Variants in CKAP2 observed in about 807,000 individuals in gnomAD.
CKAP2 encodes cytoskeleton associated protein 2, also known as cytoskeleton-associated protein 2.
In CKAP2, 46 loss-of-function variants were observed where a neutral mutation model predicts 58.4. That is an observed-to-expected ratio of 0.79 (90% CI 0.62 to 1.01). The LOEUF (loss-of-function observed/expected upper bound fraction) is 1.01, where lower values mean the gene tolerates loss of function less well. CKAP2 is among the 50% of genes least tolerant of loss of function. CKAP2 has a pLI of 0.00. For missense variants in CKAP2, 809 were observed against 796.4 expected (o/e 1.02, Z -0.19); for synonymous variants, 293 against 280.9 (o/e 1.04, Z -0.43).
intron 8 of CKAP2, 84 bp from the exon 9 acceptor site, chr13:52,474,811 T>C: frequency 7.6e-7 from 1 of 1,311,226 alleles, no homozygotes; most frequent in South Asian, 1.4e-5. Context: ...ACATACAAGC[T>C]ATATAGTATG....
intron 7 of CKAP2, chr13:52,473,533 C>G (rs1958787075): frequency 4.0e-6 from 1 of 250,460 alleles, no homozygotes. Context: ...CAGCCTAAAT[C>G]TCGCTTGTGA....
chr13:52,457,027 G>C (rs1036100624), intron 2 of CKAP2, among the ~76,000 whole-genome samples: 2 of 151,916 alleles, frequency 1.3e-5, no homozygotes, highest in African/African-American at 4.8e-5. Flanking sequence ...CAAATACCTG[G>C]GACTGACTAC....
rs1958822595 is a variant in CKAP2, at chr13:52,475,911, C to CAATTAGA, written c.*772_*778dup. 6.6e-6 allele frequency: 1 copy of CAATTAGA among 152,152 alleles called. No homozygotes were observed. Among genetic ancestry groups the CAATTAGA allele is most frequent in the Admixed American group, 6.5e-5 (1 of 15,268 alleles). The allele number at this position is 152,152 out of a possible 1,614,324, so 9.4% of individuals were successfully genotyped here. On this transcript the variant is annotated 3_prime_UTR_variant, in exon 9 of 9. Transcript: ENST00000258607. ...GTAACTTCACTTGATAGTTTTTAAG[C>CAATTAGA]AATTAGAATGGAGTTAGGGAAAGAA...
At chr13:52,456,063 T>G (rs1566095985) in intron 1 of CKAP2, 2 of 1,024,528 alleles carry the variant, frequency 2.0e-6, no homozygotes. Context: ...TTTCACAGCT[T>G]CTCCTTCGAC....
At chr13:52,468,387 GT>G (rs369389198) in intron 7 of CKAP2, 40 bp downstream of exon 7, 210 of 1,181,330 alleles carry the variant, frequency 1.8e-4, no homozygotes, top group Admixed American at 2.2e-4. Context: ...GTGAACTGTA[GT>G]TTTTTTTTGT....
intron 1 of CKAP2, 73 bp downstream of exon 1, chr13:52,455,699 C>T (rs1958466255): frequency 5.8e-6 from 8 of 1,380,868 alleles, no homozygotes; most frequent in Non-Finnish European, 7.5e-6. Context: ...GGTCGGGGCT[C>T]GGGGCCGCGC....
At chr13:52,467,999 A>G (rs2137861616) in intron 6 of CKAP2, among the ~76,000 whole-genome samples, 1 of 151,880 alleles carries the variant, frequency 6.6e-6, no homozygotes, top group South Asian at 2.1e-4. Flanking sequence ...TTTAGTAGAG[A>G]CGGGGTTTCA....
At chr13:52,465,663 C>A (rs1005978143) in intron 6 of CKAP2, 198 bp downstream of exon 6, 1 of 649,694 alleles carries the variant, frequency 1.5e-6, no homozygotes. Context: ...TGGGAATAAT[C>A]AGATTTTAGA....
At chr13:52,469,449 C>A (rs952340034) in intron 7 of CKAP2, among the ~76,000 whole-genome samples, 1 of 152,120 alleles carries the variant, frequency 6.6e-6, no homozygotes, top group African/African-American at 2.4e-5. Flanking sequence ...ATAAGAGATT[C>A]ATTAGTTGCC....
At position 52,455,522 on chromosome 13, in the gene CKAP2, T is replaced by C. The variant is rs953918002; in HGVS notation, c.-35T>C. Reference sequence around the variant, plus strand: ...GTCTGAGGAAGTTCTATCTTGGCGCTAAAGCGGAGACGCATCCCCCGACCC... The same window carrying C: ...GTCTGAGGAAGTTCTATCTTGGCGCCAAAGCGGAGACGCATCCCCCGACCC... On this transcript the variant is annotated 5_prime_UTR_variant, in exon 1 of 9. Transcript: ENST00000258607. The C allele has an allele frequency of 6.2e-7, 1 of 1,612,112 alleles. No individual in the cohort carries two copies. Among genetic ancestry groups the C allele is most frequent in the Non-Finnish European group, 8.5e-7 (1 of 1,179,332 alleles).
rs770568360 is a variant in CKAP2, at chr13:52,461,301, A to G, written c.475A>G (p.Thr159Ala). The change falls in exon 4 of 9, where the codon ACT (threonine) becomes GCT (alanine). Residue 159 changes from threonine to alanine, a missense_variant. Physicochemically the swap from Thr to Ala is moderately conservative, Grantham distance 58. Transcript: ENST00000258607. ...LKNNSKKKQM[T>A]TEKQKQDANM... Reference sequence around the variant, plus strand: ...AAACAATAGTAAAAAGAAACAAATGACTACAGAAAAACAAAAGCAAGATGC... The same window carrying G: ...AAACAATAGTAAAAAGAAACAAATGGCTACAGAAAAACAAAAGCAAGATGC... 6.2e-7 allele frequency: 1 copy of G among 1,614,046 alleles called. No individual in the cohort carries two copies. The highest frequency in any genetic ancestry group is 1.7e-5 in the Admixed American group (1 of 59,996).
chr13:52,460,988 A>G lies in CKAP2; in HGVS notation c.231+14A>G. On this transcript the variant is annotated intron_variant, in intron 3 of 8. Coordinates refer to ENST00000258607, the MANE Select transcript of CKAP2 (RefSeq NM_018204.5). ...AAAACAAAAATGGTAAGATGTGGAC[A>G]TAGCACTCTTAAACTGTCCCCTTTT... 3 of 1,612,526 alleles carry G rather than the reference A, an allele frequency of 1.9e-6. No individual in the cohort carries two copies. Among genetic ancestry groups the G allele is most frequent in the Non-Finnish European group, 2.5e-6 (3 of 1,179,578 alleles).
chr13:52,462,645 TC>T (rs1958604609), intron 5 of CKAP2, 78 bp downstream of exon 5: 1 of 1,171,892 alleles, frequency 8.5e-7, no homozygotes, highest in Non-Finnish European at 1.2e-6. Context: ...AATTATATTG[TC>T]AGTCTTTTTG....
At position 52,475,119 on chromosome 13, in the gene CKAP2, A is replaced by G; in HGVS notation, c.2027A>G (p.Tyr676Cys). ...CCTAATGCAGCACTGTGCCGGGTGT[A>G]CTATGAGGCTGATACAACATAAGAG... ...CRPNAALCRV[Y>C]YEADTT The change falls in exon 9 of 9, where the codon TAC becomes TGC. Residue 676 changes from tyrosine to cysteine, a missense_variant. Around this residue, in one of 3 missense-constraint regions of CKAP2, gnomAD observed 283 missense variants for 287.6 expected, o/e 0.98. Transcript: ENST00000258607. 1 of 1,614,126 alleles carries G rather than the reference A, an allele frequency of 6.2e-7. No homozygotes were observed. The highest frequency in any genetic ancestry group is 2.2e-5 in the East Asian group (1 of 44,886).
chr13:52,462,300 C>G, intron 4 of CKAP2, 63 bp from the exon 5 acceptor site: 3 of 1,427,580 alleles, frequency 2.1e-6, no homozygotes, highest in Non-Finnish European at 2.9e-6. Flanking sequence ...TTTCTTTTAA[C>G]TTTATTTGAC....
intron 8 of CKAP2, 148 bp from the exon 9 acceptor site, chr13:52,474,747 G>C (rs1958804803): frequency 1.4e-6 from 1 of 702,716 alleles, no homozygotes; most frequent in Non-Finnish European, 2.3e-6. Context: ...TTCTCACTTC[G>C]GTGAGCTTAT....
At position 52,465,458 on chromosome 13, in the gene CKAP2, G is replaced by A; in HGVS notation, c.1469G>A (p.Gly490Glu). The A allele has an allele frequency of 1.2e-6, 2 of 1,612,748 alleles. No individual in the cohort carries two copies. The highest frequency in any genetic ancestry group is 2.7e-5 in the African/African-American group (2 of 74,986). ...IAIYEKAILAGAQPIEEMRHT... is the reference protein window; with the variant it reads ...IAIYEKAILAEAQPIEEMRHT... The stretch of plus-strand genomic sequence containing the variant: ...ATCTATGAGAAAGCCATTCTGGCAG[G>A]GGCTCAGGTAAGATAAAAATTTACT... The change falls in exon 6 of 9, where the codon GGG (glycine) becomes GAG (glutamate). Residue 490 changes from glycine (G) to glutamate (E), a missense_variant. By Grantham distance (98) the Gly-to-Glu change is moderately conservative (BLOSUM62 -2). Transcript: ENST00000258607.
At chr13:52,456,849 C>T (rs1298991818) in intron 2 of CKAP2, among the ~76,000 whole-genome samples, 1 of 152,118 alleles carries the variant, frequency 6.6e-6, no homozygotes, top group African/African-American at 2.4e-5. Context: ...GCCACATTGG[C>T]TAGTGGCTAC....
At chr13:52,462,952 G>T (rs1958608640) in intron 5 of CKAP2, among the ~76,000 whole-genome samples, 1 of 152,102 alleles carries the variant, frequency 6.6e-6, no homozygotes, top group Admixed American at 6.6e-5. Flanking sequence ...TTGTTTGTTT[G>T]TTTGCTTTTG....
Sources: gnomAD v4.1 joint callset for allele counts (sites outside exome capture counted in the v4.1 genomes callset) on GRCh38, gnomAD v4.1.1 for gene constraint, gnomAD v4.1.1 regional missense constraint, MANE v1.5 for transcripts, NCBI Gene and HGNC (gene_info 2026-07-23, HGNC 2026-07-21) for gene names.